ZNF208: variants seen among roughly 807,000 people sequenced by gnomAD.
ZNF208 encodes zinc finger protein 208, also known as zinc finger protein 95.
ZNF208 carries 10 observed loss-of-function variants against 12.1 expected under a neutral mutation model. The ratio of observed to expected loss-of-function variants is 0.83; its 90% CI spans 0.51 to 1.40. The LOEUF is 1.40. Among genes scored for constraint, ZNF208 ranks in the 40% most tolerant of loss-of-function variants. The probability of loss-of-function intolerance (pLI) is 0.00; values close to 1 mark genes in which losing one functional copy is unlikely to be tolerated. For synonymous variants in ZNF208, 497 were observed against 488.4 expected, an observed-to-expected ratio of 1.02 and a Z score of -0.23; for missense variants, 1,652 against 1,485.0, an observed-to-expected ratio of 1.11 and a Z score of -1.85.
In ZNF208 at chr19:21,971,097, C is replaced by G. The variant is rs1488778417; in HGVS notation, c.*94G>C. 7 of 1,613,212 alleles carry G rather than the reference C, an allele frequency of 4.3e-6. No individual in the cohort carries two copies. In the East Asian group the frequency reaches 8.9e-5, roughly 21 times the overall value. ...GACCAGTTGAAAGCCTCACCACATT[C>G]TTCACATTTGTAGGGTTTCTCTCCA... On this transcript the variant is annotated 3_prime_UTR_variant, in exon 4 of 4. Coordinates refer to ENST00000397126, the MANE Select transcript of ZNF208 (RefSeq NM_007153.3).
In ZNF208 at chr19:21,973,622, T is replaced by A. The variant is rs753921361; in HGVS notation, c.1412A>T (p.His471Leu). The change falls in exon 4 of 4, where the codon CAT becomes CTT. Residue 471 changes from histidine (H) to leucine (L), a missense_variant. Physicochemically the swap from His to Leu is moderately conservative, Grantham distance 99 (BLOSUM62 -3). This residue lies in a region of ZNF208 where 1,239 missense variants were observed against 1,086.2 expected (regional missense o/e 1.14). Transcript: ENST00000397126. Reference sequence around the variant, plus strand: ...TTTCTCTCCATTATGAATTACCTTATGTTTAGTAAGGATTGAGAACATACT... The same window carrying A: ...TTTCTCTCCATTATGAATTACCTTAAGTTTAGTAAGGATTGAGAACATACT... ...GFSMFSILTK[H>L]KVIHNGEKPY... The A allele has an allele frequency of 3.7e-6, 6 of 1,613,522 alleles. No individual in the cohort carries two copies. Among genetic ancestry groups the A allele is most frequent in the Admixed American group, 1.7e-5 (1 of 59,934 alleles).
At chr19:21,950,491 CTT>C (rs59845229) in intron 4 of ZNF208, among the ~76,000 whole-genome samples, 3 of 137,746 alleles carry the variant, frequency 2.2e-5, no homozygotes, top group Non-Finnish European at 3.1e-5. Flanking sequence ...TAGCCCTGTT[CTT>C]TTTTTTTTTT....
At chr19:22,002,118 TGC>T (rs1433523549) in intron 1 of ZNF208, among the ~76,000 whole-genome samples, 2 of 152,032 alleles carry the variant, frequency 1.3e-5, no homozygotes, top group Admixed American at 6.6e-5. Context: ...TCTCAATAGA[TGC>T]ACAAAAAGCT....
chr19:21,982,030 G>A (rs1172401682), intron 3 of ZNF208, among the ~76,000 whole-genome samples: 1 of 152,078 alleles, frequency 6.6e-6, no homozygotes, highest in Non-Finnish European at 1.5e-5. Context: ...ACAAACCACT[G>A]CTCAAGAAAA....
chr19:21,969,585 T>C lies in ZNF208; in HGVS notation c.*1606A>G, dbSNP rs1474931487. Reference sequence around the variant, plus strand: ...CATTTGTGTTTTATAATCTGTAGTTTTTGAAAAAATGTTTTTCCAAATTTA... The same window carrying C: ...CATTTGTGTTTTATAATCTGTAGTTCTTGAAAAAATGTTTTTCCAAATTTA... On this transcript the variant is annotated 3_prime_UTR_variant, in exon 4 of 4. Transcript: ENST00000397126. 1.3e-5 allele frequency among the ~76,000 whole-genome samples: 2 copies of C among 152,148 alleles called. No homozygotes were observed.
chr19:21,976,034 CAT>C (rs535608898), intron 3 of ZNF208, among the ~76,000 whole-genome samples: 16 of 152,062 alleles, frequency 1.1e-4, no homozygotes, highest in African/African-American at 3.4e-4. Flanking sequence ...AACACCTAAT[CAT>C]ATAAAAATAC....
intron 4 of ZNF208, among the ~76,000 whole-genome samples, chr19:21,942,901 A>C (rs1179104820): frequency 6.6e-6 from 1 of 152,170 alleles, no homozygotes; most frequent in Non-Finnish European, 1.5e-5. Context: ...TACCACTGCC[A>C]GCCTCCCAAA....
At chr19:21,984,370 T>C (rs906345563) in intron 3 of ZNF208, among the ~76,000 whole-genome samples, 2 of 152,048 alleles carry the variant, frequency 1.3e-5, no homozygotes, top group Non-Finnish European at 2.9e-5. Context: ...CTGGCCAACA[T>C]GGTGAAACCC....
At chr19:21,993,060 A>G (rs1201765662) in intron 1 of ZNF208, among the ~76,000 whole-genome samples, 1 of 152,196 alleles carries the variant, frequency 6.6e-6, no homozygotes, top group Non-Finnish European at 1.5e-5. Flanking sequence ...CCACAGGTCT[A>G]CCTGCTGTCA....
At chr19:21,987,970 G>A (rs888755651) in intron 2 of ZNF208, among the ~76,000 whole-genome samples, 5 of 151,874 alleles carry the variant, frequency 3.3e-5, no homozygotes, top group Non-Finnish European at 5.9e-5. Flanking sequence ...TTCCTTCGTC[G>A]CCACCGGACT....
intron 1 of ZNF208, among the ~76,000 whole-genome samples, chr19:21,990,853 A>C (rs1461343019): frequency 6.6e-6 from 1 of 152,118 alleles, no homozygotes; most frequent in Non-Finnish European, 1.5e-5. Flanking sequence ...TAAGTATTTT[A>C]TTCTCTTTGA....
In ZNF208 at chr19:21,951,461, A is replaced by G. The variant is rs139712084; in HGVS notation, c.306-18224T>C. ...AGTAAAAGATTGTCTTAAATTAAAT[A>G]AAGTGAAAGTTTTAAGCAAATTTTT... On this transcript the variant is annotated intron_variant, in intron 4 of 4. Transcript: ENST00000599916. Among the ~76,000 whole-genome samples the G allele has an allele frequency of 5.6e-3, 854 of 152,346 alleles. 1 individual carries two copies. The highest frequency in any genetic ancestry group is 0.019 in the African/African-American group (797 of 41,580).
At chr19:22,005,520 C>G (rs2145586756) in intron 1 of ZNF208, among the ~76,000 whole-genome samples, 1 of 152,270 alleles carries the variant, frequency 6.6e-6, no homozygotes, top group East Asian at 1.9e-4. Context: ...AACAGCAACT[C>G]ATTGTCTAAC....
chr19:21,961,748 C>T (rs1385171579), downstream of ZNF208, among the ~76,000 whole-genome samples: 2 of 151,860 alleles, frequency 1.3e-5, no homozygotes, highest in South Asian at 2.1e-4. Flanking sequence ...GTGATATCTT[C>T]CCTACTTGCA....
rs983534149 is a variant in ZNF208, at chr19:21,970,384, G to C, written c.*807C>G. On this transcript the variant is annotated 3_prime_UTR_variant, in exon 4 of 4. Coordinates refer to ENST00000397126, the MANE Select transcript of ZNF208 (RefSeq NM_007153.3). ...TCCCTCCAGTATGAATTACATGAAT[G>C]TTTAGTAAGGATTGAGGAATAGCTA... 6.6e-6 allele frequency among the ~76,000 whole-genome samples: 1 copy of C among 152,132 alleles called. No homozygotes were observed. Among genetic ancestry groups the C allele is most frequent in the African/African-American group, 2.4e-5 (1 of 41,440 alleles).
Position 21,987,286 on chromosome 19 carries a change from C to T in ZNF208, c.156G>A (p.Leu52=). 1 of 1,612,342 alleles carries T rather than the reference C, an allele frequency of 6.2e-7. No homozygotes were observed. The highest frequency in any genetic ancestry group is 2.2e-5 in the East Asian group (1 of 44,760). ...FLGIAAFKPD[L]IIFLEEGKES... The stretch of plus-strand genomic sequence containing the variant: ...CTTTTCCTTCCTCCAGAAAAATGAT[C>T]AGGTCTGGCTTAAAGGCAGCAATAC... The change falls in exon 3 of 4, where the codon CTG becomes CTA. Residue 52 remains leucine, a synonymous_variant. Coordinates refer to ENST00000397126, the MANE Select transcript of ZNF208 (RefSeq NM_007153.3).
downstream of ZNF208, chr19:21,966,032 A>G (rs546313840): frequency 1.6e-4 from 24 of 152,172 alleles, no homozygotes; most frequent in African/African-American, 5.5e-4. Flanking sequence ...TAAGGGGTGA[A>G]AAATTTGTCT....
chr19:21,943,991 A>G (rs1444045441), intron 4 of ZNF208, among the ~76,000 whole-genome samples: 2 of 152,230 alleles, frequency 1.3e-5, no homozygotes, highest in East Asian at 3.8e-4. Context: ...GATGCCATAG[A>G]CAAACTAAGA....
chr19:22,000,047 G>T (rs1261252376), intron 1 of ZNF208, among the ~76,000 whole-genome samples: 2 of 152,094 alleles, frequency 1.3e-5, no homozygotes, highest in African/African-American at 2.4e-5. Flanking sequence ...AACTCCATGG[G>T]TTCACATGAA....
Sources: gnomAD v4.1 joint callset for allele counts (sites outside exome capture counted in the v4.1 genomes callset) on GRCh38, gnomAD v4.1.1 for gene constraint, gnomAD v4.1.1 regional missense constraint, MANE v1.5 for transcripts, NCBI Gene and HGNC (gene_info 2026-07-23, HGNC 2026-07-21) for gene names.